ART3: variants seen among roughly 807,000 people sequenced by gnomAD.
ART3 encodes the protein ADP-ribosyltransferase 3 (inactive).
A neutral mutation model predicts 48.5 loss-of-function variants in ART3; 49 were observed. That is an observed-to-expected ratio of 1.01 (90% confidence interval 0.80 to 1.28). ART3 has a LOEUF of 1.28. Ranked by LOEUF, ART3 falls within the 50% of genes most tolerant of loss-of-function variation. ART3 has a pLI of 0.00. For synonymous variants in ART3, 145 were observed against 157.2 expected (o/e 0.92, Z 0.58); for missense variants, 438 against 454.3 (o/e 0.96, Z 0.33).
At chr4:76,101,160 G>C in intron 8 of ART3, 141 bp downstream of exon 8, 2 of 932,978 alleles carry the variant, frequency 2.1e-6, no homozygotes, top group South Asian at 1.8e-5. Context: ...GTATATTAGA[G>C]ACTCTCCTGG....
intron 1 of ART3, chr4:76,022,326 T>C: frequency 6.5e-7 from 1 of 1,528,320 alleles, no homozygotes; most frequent in Non-Finnish European, 9.1e-7. Flanking sequence ...GATTGCCGTT[T>C]CCTAAAGAGC....
intron 1 of ART3, among the ~76,000 whole-genome samples, chr4:76,031,375 A>G (rs192854100): frequency 6.6e-6 from 1 of 152,362 alleles, no homozygotes; most frequent in East Asian, 1.9e-4. Flanking sequence ...AAAAAATTGT[A>G]AAGATGATAT....
intron 3 of ART3, among the ~76,000 whole-genome samples, chr4:76,085,185 G>A (rs1375458013): frequency 6.6e-6 from 1 of 152,188 alleles, no homozygotes; most frequent in Admixed American, 6.5e-5. Context: ...GGCCTTTTTG[G>A]GTCTTGAAGG....
intron 1 of ART3, among the ~76,000 whole-genome samples, chr4:76,019,610 C>T (rs995372548): frequency 6.3e-5 from 8 of 126,600 alleles, no homozygotes; most frequent in African/African-American, 2.1e-4. Context: ...CCCGCCACTA[C>T]GCCTGGCTAA....
chr4:76,050,933 G>A (rs574306460), intron 1 of ART3, among the ~76,000 whole-genome samples: 356 of 152,336 alleles, frequency 2.3e-3, no homozygotes, highest in African/African-American at 8.3e-3. Flanking sequence ...GGCCGGCAGG[G>A]CCGGCGGGCT....
At chr4:76,043,530 T>A (rs1306139756) in intron 1 of ART3, among the ~76,000 whole-genome samples, 1 of 152,090 alleles carries the variant, frequency 6.6e-6, no homozygotes, top group Non-Finnish European at 1.5e-5. Context: ...CTGGCCTGGG[T>A]GCTAAGCCCC....
At chr4:76,111,646 C>T (rs1729502501) in intron 11 of ART3, among the ~76,000 whole-genome samples, 1 of 152,060 alleles carries the variant, frequency 6.6e-6, no homozygotes, top group African/African-American at 2.4e-5. Context: ...AGGTTCACAC[C>T]ATTCTCCTGC....
At chr4:76,073,459 G>A (rs1720528361), upstream of ART3, among the ~76,000 whole-genome samples, 1 of 152,220 alleles carries the variant, frequency 6.6e-6, no homozygotes, top group Non-Finnish European at 1.5e-5. Context: ...CCAAGCCAGT[G>A]AGGTGGGAAA....
intron 1 of ART3, chr4:76,022,323 G>A (rs201393081): frequency 4.5e-5 from 68 of 1,519,616 alleles, no homozygotes; most frequent in Non-Finnish European, 5.8e-5. Context: ...CAAGATTGCC[G>A]TTTCCTAAAG....
intron 1 of ART3, chr4:76,035,243 C>G (rs1347308542): frequency 1.9e-6 from 3 of 1,614,076 alleles, no homozygotes; most frequent in Non-Finnish European, 2.5e-6. Context: ...ACAGTTGTTA[C>G]TTGGGTACAT....
chr4:76,043,293 C>T (rs913242641), intron 1 of ART3, among the ~76,000 whole-genome samples: 1 of 152,018 alleles, frequency 6.6e-6, no homozygotes, highest in Admixed American at 6.6e-5. Context: ...GCTGTGTGCC[C>T]ACACTCCTCA....
intron 1 of ART3, chr4:76,035,487 G>T: frequency 1.4e-6 from 1 of 722,546 alleles, no homozygotes; most frequent in Non-Finnish European, 2.2e-6. Context: ...ACTGTTACTG[G>T]GAAAAGTTAA....
chr4:76,043,564 T>C (rs1050787847), intron 1 of ART3, among the ~76,000 whole-genome samples: 1 of 152,220 alleles, frequency 6.6e-6, no homozygotes, highest in Admixed American at 6.5e-5. Context: ...CCGGCAGGGC[T>C]GGCCAGCTGT....
chr4:76,076,664 T>C (rs987524009), intron 2 of ART3, among the ~76,000 whole-genome samples: 1 of 152,248 alleles, frequency 6.6e-6, no homozygotes, highest in Non-Finnish European at 1.5e-5. Flanking sequence ...TCATCAGATA[T>C]TCTGAATATA....
At chr4:76,077,258 C>T (rs1237550086) in intron 2 of ART3, among the ~76,000 whole-genome samples, 2 of 152,198 alleles carry the variant, frequency 1.3e-5, no homozygotes, top group East Asian at 1.9e-4. Context: ...CTGGATATTT[C>T]GCCTAAATGG....
intron 1 of ART3, among the ~76,000 whole-genome samples, chr4:76,024,342 A>G (rs1294257341): frequency 1.3e-5 from 2 of 152,182 alleles, no homozygotes; most frequent in African/African-American, 4.8e-5. Flanking sequence ...AGCTTGAGAC[A>G]GAAGGGAAAC....
intron 1 of ART3, chr4:76,033,909 T>C (rs1325720376): frequency 6.6e-6 from 1 of 152,302 alleles, no homozygotes; most frequent in Non-Finnish European, 1.5e-5. Flanking sequence ...AAACATTTTG[T>C]ATTTCAGATG....
At chr4:76,045,845 C>T (rs563544793) in intron 1 of ART3, among the ~76,000 whole-genome samples, 80 of 152,078 alleles carry the variant, frequency 5.3e-4, no homozygotes, top group Non-Finnish European at 9.6e-4. Context: ...AAGGAATCCC[C>T]GCAACTGTTT....
intron 3 of ART3, among the ~76,000 whole-genome samples, chr4:76,089,613 T>A (rs1724391137): frequency 6.6e-6 from 1 of 152,176 alleles, no homozygotes; most frequent in African/African-American, 2.4e-5. Flanking sequence ...CCTTTCTTTA[T>A]AAATTACCCA....
Sources: allele counts gnomAD v4.1 joint callset (sites outside exome capture counted in the v4.1 genomes callset), GRCh38; gene constraint gnomAD v4.1.1; transcripts MANE v1.5; gene names NCBI Gene and HGNC (gene_info 2026-07-23, HGNC 2026-07-21).